The following FAM228B variants were observed in gnomAD, a reference collection of about 807,000 sequenced individuals.
The protein encoded by FAM228B is protein FAM228B.
A neutral mutation model predicts 42.6 loss-of-function variants in FAM228B; 38 were observed. The observed-to-expected ratio is 0.89, with a 90% CI of 0.69 to 1.17. The LOEUF (loss-of-function observed/expected upper bound fraction) is 1.17, where lower values mean the gene tolerates loss of function less well. FAM228B is among the 50% of genes most tolerant of loss of function. The pLI is 0.00. For synonymous variants in FAM228B, 109 were observed against 122.3 expected, an observed-to-expected ratio of 0.89 and a Z score of 0.72; for missense variants, 344 against 367.3, an observed-to-expected ratio of 0.94 and a Z score of 0.52.
chr2:24,077,599 C>T lies in FAM228B; in HGVS notation c.-290+630C>T. ...CTCCTTCACTGGGGCAGTTCCAGGA[C>T]GATCTTGCCTATGTTCTTGTTGGCC... On this transcript the variant is annotated intron_variant, in intron 1 of 10. Coordinates refer to the FAM228B transcript ENST00000613899. This position sits in a 1 kb window ranked among gnomAD's most constrained non-coding sequence, Gnocchi z 5.5. 1 of 1,613,686 alleles carries T rather than the reference C, an allele frequency of 6.2e-7. No homozygotes were observed. The highest frequency in any genetic ancestry group is 8.5e-7 in the Non-Finnish European group (1 of 1,179,788).
intron 2 of FAM228B, among the ~76,000 whole-genome samples, chr2:24,125,882 C>T (rs1666298476): frequency 6.6e-6 from 1 of 152,148 alleles, no homozygotes; most frequent in Non-Finnish European, 1.5e-5. Context: ...TTCTGTCACT[C>T]TAGTTTGCAT....
At chr2:24,167,056 T>C (rs2151034157) in intron 9 of FAM228B, among the ~76,000 whole-genome samples, 1 of 152,122 alleles carries the variant, frequency 6.6e-6, no homozygotes, top group Middle Eastern at 3.4e-3. Context: ...GAGGGGAAGC[T>C]GTGCGGAGGT....
intron 2 of FAM228B, among the ~76,000 whole-genome samples, chr2:24,088,210 C>A (rs1665305415): frequency 6.6e-6 from 1 of 151,678 alleles, no homozygotes; most frequent in African/African-American, 2.4e-5. Flanking sequence ...ATGTGGTGAG[C>A]TTCCCAGCTG....
At chr2:24,096,061 GAAAA>G (rs2150993965) in intron 3 of FAM228B, 1 of 152,284 alleles carries the variant, frequency 6.6e-6, no homozygotes, top group East Asian at 1.9e-4. Context: ...AAGGAAAACT[GAAAA>G]ACAGAAAGGA....
rs1187113451 is a variant in FAM228B at position 24,084,717 on chromosome 2, T to C, written c.-210+3762T>C. On this transcript the variant is annotated intron_variant, in intron 2 of 10. Transcript: ENST00000613899. This position sits in a 1 kb window ranked among gnomAD's most constrained non-coding sequence, Gnocchi z 8.4. ...GCCCGACCCGGGTCCCCGGCGCCCG[T>C]ATGAGTTACTTACTCCTGGCCCGGC... The C allele has an allele frequency of 5.9e-6, 1 of 169,454 alleles. No individual in the cohort carries two copies. Among genetic ancestry groups the C allele is most frequent in the East Asian group, 1.7e-4 (1 of 5,954 alleles). 10.5% of individuals were successfully genotyped at this position (169,454 alleles called of 1,614,324 possible). A position where few individuals can be genotyped will look rare whatever the true frequency, so the allele number is the denominator to read the frequency against.
chr2:24,145,448 C>G (rs1182203895), intron 5 of FAM228B, among the ~76,000 whole-genome samples: 1 of 152,210 alleles, frequency 6.6e-6, no homozygotes, highest in East Asian at 1.9e-4. Context: ...ACCCATCCAA[C>G]ACCATAGACA....
In FAM228B at chr2:24,169,415, C is replaced by A; in HGVS notation, c.*74C>A. 1 of 455,110 alleles carries A rather than the reference C, an allele frequency of 2.2e-6. No individual in the cohort carries two copies. The highest frequency in any genetic ancestry group is 1.6e-5 in the South Asian group (1 of 63,394). 28.2% of individuals were successfully genotyped at this position (455,110 alleles called of 1,614,324 possible). ...TGATTGGTGAAAGGATACACAAAAT[C>A]AGGCTGCTTCAGAGGAAGTCATCTG... On this transcript the variant is annotated 3_prime_UTR_variant, in exon 11 of 11. Coordinates refer to ENST00000615575, the MANE Select transcript of FAM228B (RefSeq NM_001145710.2). This position sits in a 1 kb window ranked among gnomAD's most constrained non-coding sequence, Gnocchi z 4.2.
intron 2 of FAM228B, among the ~76,000 whole-genome samples, chr2:24,093,719 G>A (rs190525361): frequency 9.9e-5 from 15 of 151,682 alleles, no homozygotes; most frequent in African/African-American, 3.4e-4. Context: ...GGGTTCAAGC[G>A]ATTCTCCTGC....
chr2:24,132,647 T>A (rs530258313), intron 2 of FAM228B, among the ~76,000 whole-genome samples: 3 of 152,132 alleles, frequency 2.0e-5, no homozygotes, highest in African/African-American at 4.8e-5. Flanking sequence ...TCAGAGTTGG[T>A]CTCCATTGAT....
rs969589153 is a variant in FAM228B at position 24,123,510 on chromosome 2, G to C, written c.-56G>C. 2 of 152,190 alleles carry C rather than the reference G, an allele frequency of 1.3e-5. No individual in the cohort carries two copies. The highest frequency in any genetic ancestry group is 4.8e-5 in the African/African-American group (2 of 41,456). The allele number at this position is 152,190 out of a possible 1,614,324, so 9.4% of individuals were successfully genotyped here. The stretch of plus-strand genomic sequence containing the variant: ...CCGCGGCGCAGGGGGCGGAGTGCTC[G>C]CGCGGCGCTGCGTCCGGGAGACGGT... On this transcript the variant is annotated 5_prime_UTR_variant, in exon 1 of 11. Coordinates refer to ENST00000615575, the MANE Select transcript of FAM228B (RefSeq NM_001145710.2).
chr2:24,168,886 A>C (rs1486971223), intron 10 of FAM228B, among the ~76,000 whole-genome samples: 1 of 152,150 alleles, frequency 6.6e-6, no homozygotes, highest in Non-Finnish European at 1.5e-5. Context: ...AGCTCAGTGG[A>C]TTTTGCAAAG....
intron 7 of FAM228B, among the ~76,000 whole-genome samples, chr2:24,159,380 T>C (rs1558394947): frequency 1.3e-5 from 2 of 152,232 alleles, no homozygotes; most frequent in Non-Finnish European, 2.9e-5. Context: ...TATTACAATG[T>C]GATATGCACA....
At position 24,135,103 on chromosome 2, in the gene FAM228B, A is replaced by G; in HGVS notation, c.100-16A>G. The G allele has an allele frequency of 6.9e-7, 1 of 1,440,726 alleles. No individual in the cohort carries two copies. Among genetic ancestry groups the G allele is most frequent in the Non-Finnish European group, 9.4e-7 (1 of 1,058,912 alleles). The allele number at this position is 1,440,726 out of a possible 1,614,324, so 89.2% of individuals were successfully genotyped here. ...TTTAAAGATTTTCTTTTCAAAGTTT[A>G]ATTCTGTCCTTTCAGGTTTTAGCTA... On this transcript the variant is annotated splice_polypyrimidine_tract_variant and intron_variant, in intron 2 of 10. Coordinates refer to ENST00000615575, the MANE Select transcript of FAM228B (RefSeq NM_001145710.2).
Position 24,077,750 on chromosome 2 carries a change from C to A in FAM228B, c.-290+781C>A. Reference sequence around the variant, plus strand: ...TTTGCTCCGTGAAAGCATTCACCAGCATTTGCTTGTACTAAGACAAGGGAA... The same window carrying A: ...TTTGCTCCGTGAAAGCATTCACCAGAATTTGCTTGTACTAAGACAAGGGAA... On this transcript the variant is annotated intron_variant, in intron 1 of 10. Transcript: ENST00000613899. This position sits in a 1 kb window ranked among gnomAD's most constrained non-coding sequence, Gnocchi z 5.5. 1 of 1,613,436 alleles carries A rather than the reference C, an allele frequency of 6.2e-7. No individual in the cohort carries two copies. Among genetic ancestry groups the A allele is most frequent in the Non-Finnish European group, 8.5e-7 (1 of 1,179,580 alleles).
chr2:24,106,316 C>CAT (rs1185466331), intron 3 of FAM228B, among the ~76,000 whole-genome samples: 1 of 106,394 alleles, frequency 9.4e-6, no homozygotes, highest in Non-Finnish European at 1.8e-5. Context: ...ATTCAGCATT[C>CAT]TTTTTTTTTT....
At chr2:24,134,864 C>T (rs1462242494) in intron 2 of FAM228B, among the ~76,000 whole-genome samples, 3 of 152,172 alleles carry the variant, frequency 2.0e-5, no homozygotes, top group Non-Finnish European at 4.4e-5. Context: ...GCACAAGAAT[C>T]GCTTGAACCC....
At chr2:24,106,314 TTC>T (rs569272311) in intron 3 of FAM228B, among the ~76,000 whole-genome samples, 1 of 133,148 alleles carries the variant, frequency 7.5e-6, no homozygotes. Flanking sequence ...ATATTCAGCA[TTC>T]TTTTTTTTTT....
intron 9 of FAM228B, 63 bp from the exon 10 acceptor site, chr2:24,167,564 T>C: frequency 6.5e-7 from 1 of 1,548,326 alleles, no homozygotes; most frequent in Non-Finnish European, 8.7e-7. Context: ...AGACAGTCTG[T>C]TCAGTAACTA....
chr2:24,084,449 C>A lies in FAM228B; in HGVS notation c.-210+3494C>A. The stretch of plus-strand genomic sequence containing the variant: ...GCTGTATCCTCGCGGAGCAGCCCAG[C>A]CTCAGGCTGGCACCGCAGCGCCCCC... On this transcript the variant is annotated intron_variant, in intron 2 of 10. Coordinates refer to the FAM228B transcript ENST00000613899. This position sits in a 1 kb window ranked among gnomAD's most constrained non-coding sequence, Gnocchi z 8.4. 7.8e-7 allele frequency: 1 copy of A among 1,279,326 alleles called. No homozygotes were observed. The highest frequency in any genetic ancestry group is 1.7e-5 in the South Asian group (1 of 59,302). 79.2% of individuals were successfully genotyped at this position (1,279,326 alleles called of 1,614,324 possible).
Sources: gnomAD v4.1 joint callset for allele counts (sites outside exome capture counted in the v4.1 genomes callset) on GRCh38, gnomAD v4.1.1 for gene constraint, Gnocchi (gnomAD v3.1) non-coding constraint, MANE v1.5 for transcripts, NCBI Gene and HGNC (gene_info 2026-07-23, HGNC 2026-07-21) for gene names.